Variants in AKAP13 observed in about 807,000 individuals in gnomAD.
The protein encoded by AKAP13 is A-kinase anchoring protein 13, also known as A-kinase anchor protein 13.
In AKAP13, 80 loss-of-function variants were observed where a neutral mutation model predicts 264.5. That is an observed-to-expected ratio of 0.30 (90% CI 0.25 to 0.36). AKAP13 has a LOEUF of 0.36. Among genes scored for constraint, AKAP13 ranks in the 10% least tolerant of loss-of-function variants. The pLI is 1.00. For missense variants in AKAP13, 3,712 were observed against 3,435.2 expected, an observed-to-expected ratio of 1.08 and a Z score of -2.01; for synonymous variants, 1,380 against 1,250.2, an observed-to-expected ratio of 1.10 and a Z score of -2.19.
At chr15:85,383,995 G>C (rs1359956392) in intron 1 of AKAP13, among the ~76,000 whole-genome samples, 1 of 152,174 alleles carries the variant, frequency 6.6e-6, no homozygotes, top group African/African-American at 2.4e-5. Context: ...ATTTAAATCA[G>C]TTATACTAGC....
At chr15:85,735,459 T>G in intron 31 of AKAP13, 101 bp from the exon 32 acceptor site, 1 of 1,269,818 alleles carries the variant, frequency 7.9e-7, no homozygotes, top group Non-Finnish European at 1.1e-6. Context: ...CATCAGTAGG[T>G]TTCAGACATA....
chr15:85,398,030 C>T (rs2071204367), intron 1 of AKAP13, among the ~76,000 whole-genome samples: 1 of 152,190 alleles, frequency 6.6e-6, no homozygotes, highest in African/African-American at 2.4e-5. Flanking sequence ...AGAGGCTGGA[C>T]TTGCTCAGGG....
intron 2 of AKAP13, among the ~76,000 whole-genome samples, chr15:85,493,432 G>A (rs1309290952): frequency 6.6e-6 from 1 of 152,154 alleles, no homozygotes; most frequent in East Asian, 1.9e-4. Context: ...GTTACTGAAG[G>A]TGTGGCCAAC....
At position 85,581,398 on chromosome 15, in the gene AKAP13, C is replaced by G; in HGVS notation, c.3330C>G (p.His1110Gln). Residue 1110 changes from histidine (H) to glutamine (Q), a missense_variant, in exon 7 of 37, where the codon CAC becomes CAG. Physicochemically the swap from His to Gln is conservative, Grantham distance 24. Coordinates refer to ENST00000394518, the MANE Select transcript of AKAP13 (RefSeq NM_007200.5). ...AGCCCAGAAGAGAGAATATATCACA[C>G]AACACCCAAGACATCCTGATTCCAA... Reference protein sequence around the residue: ...MAEPRRENISHNTQDILIPNV... With the variant: ...MAEPRRENISQNTQDILIPNV... 1 of 1,614,200 alleles carries G rather than the reference C, an allele frequency of 6.2e-7. No homozygotes were observed. Among genetic ancestry groups the G allele is most frequent in the Non-Finnish European group, 8.5e-7 (1 of 1,180,034 alleles).
intron 8 of AKAP13, among the ~76,000 whole-genome samples, chr15:85,598,745 T>C (rs897842497): frequency 2.6e-5 from 4 of 152,126 alleles, no homozygotes; most frequent in Admixed American, 6.5e-5. Flanking sequence ...TCGTGGGAAC[T>C]CAGAGAAGGA....
chr15:85,519,727 G>C (rs2076744139), intron 2 of AKAP13, among the ~76,000 whole-genome samples: 1 of 149,544 alleles, frequency 6.7e-6, no homozygotes, highest in South Asian at 2.1e-4. Context: ...CACTGTGGTA[G>C]TCGTAGTAGT....
chr15:85,436,858 G>T (rs2073325224), intron 1 of AKAP13, among the ~76,000 whole-genome samples: 1 of 151,926 alleles, frequency 6.6e-6, no homozygotes, highest in Non-Finnish European at 1.5e-5. Context: ...GCCCACAAGA[G>T]AAAGCAGGAA....
At chr15:85,686,770 T>C (rs562828672) in intron 16 of AKAP13, among the ~76,000 whole-genome samples, 1 of 152,298 alleles carries the variant, frequency 6.6e-6, no homozygotes, top group South Asian at 2.1e-4. Flanking sequence ...GACAGAGCAA[T>C]ATAAATTAGC....
At chr15:85,646,011 G>T in intron 10 of AKAP13, 57 bp downstream of exon 10, 2 of 1,579,962 alleles carry the variant, frequency 1.3e-6, no homozygotes, top group Non-Finnish European at 8.6e-7. Context: ...TCCTATTTGG[G>T]CTTCCCAAAC....
chr15:85,406,225 A>G (rs569651097), intron 1 of AKAP13, among the ~76,000 whole-genome samples: 1 of 152,202 alleles, frequency 6.6e-6, no homozygotes, highest in East Asian at 1.9e-4. Context: ...AAGACTGCAC[A>G]CCCCACGGTA....
At chr15:85,618,863 G>C (rs1048927195) in intron 8 of AKAP13, among the ~76,000 whole-genome samples, 2 of 152,072 alleles carry the variant, frequency 1.3e-5, no homozygotes, top group African/African-American at 4.8e-5. Context: ...CTTAACTCTT[G>C]ATAATTTTTA....
chr15:85,740,233 G>C lies in AKAP13; in HGVS notation c.7569G>C (p.Gln2523His). 1 of 1,614,152 alleles carries C rather than the reference G, an allele frequency of 6.2e-7. No homozygotes were observed. The highest frequency in any genetic ancestry group is 1.1e-5 in the South Asian group (1 of 91,080). Residue 2523 changes from glutamine (Q) to histidine (H), a missense_variant, in exon 34 of 37, where the codon CAG becomes CAC. Gln to His is a conservative substitution (Grantham distance 24, BLOSUM62 0). Around this residue, in one of 3 missense-constraint regions of AKAP13, gnomAD observed 611 missense variants for 539.3 expected, o/e 1.13. Coordinates refer to ENST00000394518, the MANE Select transcript of AKAP13 (RefSeq NM_007200.5). ...MLKRNSEQVVQSVVHLYELLS... is the reference protein window; with the variant it reads ...MLKRNSEQVVHSVVHLYELLS... ...TGTTCCTTTGGCAGCAGGTTGTCCAGAGCGTTGTTCATCTCTACGAGCTCC... is the reference window on the plus strand; with the variant it reads ...TGTTCCTTTGGCAGCAGGTTGTCCACAGCGTTGTTCATCTCTACGAGCTCC...
intron 2 of AKAP13, among the ~76,000 whole-genome samples, chr15:85,518,931 A>G (rs1431898121): frequency 6.6e-6 from 1 of 152,228 alleles, no homozygotes; most frequent in Non-Finnish European, 1.5e-5. Context: ...TCATCTGCCT[A>G]TAATTAGCCA....
intron 17 of AKAP13, among the ~76,000 whole-genome samples, chr15:85,703,853 A>ATATATATAT (rs11368557): frequency 7.0e-6 from 1 of 142,500 alleles, no homozygotes; most frequent in Non-Finnish European, 1.5e-5. Context: ...AAAAAAAAAA[A>ATATATATAT]ATATATATAT....
At chr15:85,423,876 AAAC>A (rs1567049266) in intron 1 of AKAP13, among the ~76,000 whole-genome samples, 2 of 152,222 alleles carry the variant, frequency 1.3e-5, no homozygotes, top group Non-Finnish European at 2.9e-5. Context: ...GCAGGCATGA[AAAC>A]AACATTAACC....
chr15:85,555,327 A>G lies in AKAP13; in HGVS notation c.662+11372A>G, dbSNP rs999741114. The G allele has an allele frequency of 6.0e-6, 5 of 833,104 alleles. No individual in the cohort carries two copies. In the Admixed American group the frequency reaches 1.0e-4, roughly 17 times the overall value. 51.6% of individuals were successfully genotyped at this position (833,104 alleles called of 1,614,324 possible). A position where few individuals can be genotyped will look rare whatever the true frequency, so the allele number is the denominator to read the frequency against. On this transcript the variant is annotated intron_variant, in intron 5 of 36. Transcript: ENST00000394518. ...GAGAAGATATTGCAATAGCCCTCAG[A>G]AAAGGAACTAGATGCTGCAGTTCCT...
Position 85,694,907 on chromosome 15 carries a change from G to T in AKAP13, c.5464+1456G>T, listed in dbSNP as rs1205213138. 4.6e-5 allele frequency among the ~76,000 whole-genome samples: 7 copies of T among 152,252 alleles called. No individual in the cohort carries two copies. The South Asian group carries it at 1.2e-3, about 27-fold the overall frequency. ...ATCTTGTTTTCAGTCATTTATGTTG[G>T]ATATCCCAAGTAATTTCTTACTAAA... On this transcript the variant is annotated intron_variant, in intron 17 of 36. Transcript: ENST00000394518.
At chr15:85,453,019 C>T (rs4260007) in intron 1 of AKAP13, among the ~76,000 whole-genome samples, 145,953 of 152,246 alleles carry the variant, frequency 0.96, 70,020 homozygotes, top group South Asian at 0.98. Context: ...GTCAGTGCTG[C>T]GGGCCCAAGC....
At chr15:85,454,517 A>G (rs780810892) in intron 1 of AKAP13, among the ~76,000 whole-genome samples, 3 of 151,802 alleles carry the variant, frequency 2.0e-5, no homozygotes, top group Admixed American at 6.6e-5. Flanking sequence ...ATTAATCCCA[A>G]TGAGAGTACC....
Sources: gnomAD v4.1 joint callset for allele counts (sites outside exome capture counted in the v4.1 genomes callset) on GRCh38, gnomAD v4.1.1 for gene constraint, gnomAD v4.1.1 regional missense constraint, MANE v1.5 for transcripts, NCBI Gene and HGNC (gene_info 2026-07-23, HGNC 2026-07-21) for gene names.